The following PBK variants were observed in gnomAD, a reference collection of about 807,000 sequenced individuals.
The protein encoded by PBK is lymphokine-activated killer T-cell-originated protein kinase.
A neutral mutation model predicts 33.5 loss-of-function variants in PBK; 22 were observed. That is an observed-to-expected ratio of 0.66 (90% CI 0.47 to 0.94). PBK has a LOEUF of 0.94. PBK is among the 40% of genes least tolerant of loss of function. The pLI is 0.00. For missense variants in PBK, 376 were observed against 383.4 expected, an observed-to-expected ratio of 0.98 and a Z score of 0.16; for synonymous variants, 129 against 123.8, an observed-to-expected ratio of 1.04 and a Z score of -0.28.
intron 7 of PBK, among the ~76,000 whole-genome samples, 171 bp from the exon 8 acceptor site, chr8:27,810,672 T>C (rs1203572929): frequency 6.6e-6 from 1 of 152,200 alleles, no homozygotes; most frequent in African/African-American, 2.4e-5. Flanking sequence ...AGATTTGCTT[T>C]AGTCTTGGAT....
chr8:27,834,337 T>G (rs10095873), intron 1 of PBK, among the ~76,000 whole-genome samples: 23,948 of 152,056 alleles, frequency 0.16, 2,398 homozygotes, highest in East Asian at 0.37. Flanking sequence ...AATGATCCCA[T>G]TTTTAGGAAA....
Position 27,810,209 on chromosome 8 carries a change from G to A in PBK, c.*96C>T. ...ACAAGAAACTATGGTCCTCAAATAT[G>A]CCAATTTTAGAGTCTAATAACTACT... On this transcript the variant is annotated 3_prime_UTR_variant, in exon 8 of 8. Coordinates refer to ENST00000301905, the MANE Select transcript of PBK (RefSeq NM_018492.4). 1.2e-6 allele frequency: 1 copy of A among 806,444 alleles called. No individual in the cohort carries two copies. Among genetic ancestry groups the A allele is most frequent in the East Asian group, 2.6e-5 (1 of 39,076 alleles). The allele number at this position is 806,444 out of a possible 1,614,324, so 50.0% of individuals were successfully genotyped here. A position where few individuals can be genotyped will look rare whatever the true frequency, so the allele number is the denominator to read the frequency against.
At chr8:27,816,343 C>CTATA (rs767822258) in intron 6 of PBK, among the ~76,000 whole-genome samples, 10 of 136,386 alleles carry the variant, frequency 7.3e-5, no homozygotes, top group African/African-American at 8.8e-5. Flanking sequence ...TCATCGAATA[C>CTATA]TATATATATA....
intron 2 of PBK, among the ~76,000 whole-genome samples, chr8:27,829,250 A>T (rs184592541): frequency 1.5e-4 from 23 of 152,324 alleles, no homozygotes; most frequent in Admixed American, 1.4e-3. Context: ...ATTACCAGAG[A>T]TCATACAAGT....
chr8:27,811,410 T>G (rs1028421897), intron 6 of PBK: 2 of 537,402 alleles, frequency 3.7e-6, no homozygotes, highest in African/African-American at 1.9e-5. Context: ...GATTACAGAC[T>G]CTGGAGCCAG....
chr8:27,831,097 G>A (rs528765493), intron 2 of PBK, among the ~76,000 whole-genome samples: 2 of 152,228 alleles, frequency 1.3e-5, no homozygotes, highest in East Asian at 3.9e-4. Context: ...GGTGAATGTT[G>A]CATGCACTTG....
chr8:27,822,213 AG>A (rs1805942377), intron 5 of PBK, 105 bp downstream of exon 5: 1 of 832,360 alleles, frequency 1.2e-6, no homozygotes, highest in Non-Finnish European at 1.9e-6. Flanking sequence ...GGAACTGACA[AG>A]TAACAATATC....
chr8:27,816,055 A>T (rs1424262485), intron 6 of PBK, among the ~76,000 whole-genome samples: 1 of 152,150 alleles, frequency 6.6e-6, no homozygotes, highest in Non-Finnish European at 1.5e-5. Context: ...TGGAGCTCCT[A>T]CTTATCCTTC....
intron 7 of PBK, among the ~76,000 whole-genome samples, 193 bp from the exon 8 acceptor site, chr8:27,810,694 C>G (rs959175667): frequency 3.3e-5 from 5 of 152,084 alleles, no homozygotes; most frequent in Admixed American, 1.3e-4. Context: ...TATAGGTTAT[C>G]GACCCCTACT....
chr8:27,813,301 C>T (rs1805733650), intron 6 of PBK, among the ~76,000 whole-genome samples: 1 of 152,106 alleles, frequency 6.6e-6, no homozygotes, highest in Non-Finnish European at 1.5e-5. Flanking sequence ...GGGAACATCA[C>T]ACCCTGGGGC....
At chr8:27,829,199 C>A (rs138698804) in intron 2 of PBK, among the ~76,000 whole-genome samples, 1 of 151,432 alleles carries the variant, frequency 6.6e-6, no homozygotes, top group Non-Finnish European at 1.5e-5. Context: ...GTAGATGCCC[C>A]AAAGCTGGGA....
At chr8:27,828,490 T>C (rs1287082518) in intron 2 of PBK, among the ~76,000 whole-genome samples, 2 of 152,082 alleles carry the variant, frequency 1.3e-5, no homozygotes, top group Non-Finnish European at 2.9e-5. Flanking sequence ...AGGGGTTGGA[T>C]GTGGTGGCTC....
In PBK at chr8:27,823,087, T is replaced by C. The variant is rs1805960211; in HGVS notation, c.271A>G (p.Ser91Gly). ...CCAACAATGTTTGGATGATGAAGGC[T>C]TTTCAAAATCTTAGCTTCATCCATT... is the stretch of plus-strand genomic sequence containing the variant. ...RLMDEAKILK[S>G]LHHPNIVGYR... Residue 91 changes from serine to glycine, a missense_variant, in exon 4 of 8, where the codon AGC becomes GGC. Coordinates refer to ENST00000301905, the MANE Select transcript of PBK (RefSeq NM_018492.4). The C allele has an allele frequency of 1.3e-6, 2 of 1,594,720 alleles. No individual in the cohort carries two copies. Among genetic ancestry groups the C allele is most frequent in the South Asian group, 1.1e-5 (1 of 89,110 alleles).
At chr8:27,832,339 T>C (rs565446501) in intron 2 of PBK, among the ~76,000 whole-genome samples, 61 of 152,202 alleles carry the variant, frequency 4.0e-4, no homozygotes, top group Admixed American at 1.3e-4. Context: ...TCTAACATAA[T>C]ACATTGGGAA....
At chr8:27,828,687 A>G (rs952871286) in intron 2 of PBK, among the ~76,000 whole-genome samples, 2 of 138,906 alleles carry the variant, frequency 1.4e-5, no homozygotes, top group African/African-American at 5.5e-5. Flanking sequence ...CCAGGAGGTT[A>G]AGGGTGCAGG....
intron 1 of PBK, 95 bp from the exon 2 acceptor site, chr8:27,833,228 A>G (rs1806163301): frequency 1.6e-6 from 1 of 609,044 alleles, no homozygotes; most frequent in African/African-American, 1.9e-5. Context: ...GCAGTGGATC[A>G]TGCCTGTAAT....
At chr8:27,812,183 T>C (rs1256342742) in intron 6 of PBK, 1 of 152,172 alleles carries the variant, frequency 6.6e-6, no homozygotes, top group Admixed American at 6.6e-5. Flanking sequence ...GTTTTTCTTG[T>C]AGACAGCCTT....
chr8:27,809,889 A>G lies in PBK; in HGVS notation c.*416T>C, dbSNP rs1479780090. On this transcript the variant is annotated 3_prime_UTR_variant, in exon 8 of 8. Coordinates refer to ENST00000301905, the MANE Select transcript of PBK (RefSeq NM_018492.4). ...TTATCATTTGATAAACACATCAGCA[A>G]AAGGTTCAGTGTTTTAAACAAATGT... 1 of 157,252 alleles carries G rather than the reference A, an allele frequency of 6.4e-6. No individual in the cohort carries two copies. The highest frequency in any genetic ancestry group is 1.4e-5 in the Non-Finnish European group (1 of 71,822). 9.7% of individuals were successfully genotyped at this position (157,252 alleles called of 1,614,324 possible).
chr8:27,828,226 A>G, intron 2 of PBK, 28 bp from the exon 3 acceptor site: 3 of 1,034,516 alleles, frequency 2.9e-6, no homozygotes, highest in Non-Finnish European at 4.4e-6. Context: ...AAAAAATAAA[A>G]TTAATAAAAA....
Sources: allele counts gnomAD v4.1 joint callset (sites outside exome capture counted in the v4.1 genomes callset), GRCh38; gene constraint gnomAD v4.1.1; transcripts MANE v1.5; gene names NCBI Gene and HGNC (gene_info 2026-07-23, HGNC 2026-07-21).